The following ARAP2 variants were observed in gnomAD, a reference collection of about 807,000 sequenced individuals.
ARAP2 encodes the protein arf-GAP with Rho-GAP domain, ANK repeat and PH domain-containing protein 2.
ARAP2 carries 148 observed loss-of-function variants against 194.5 expected under a neutral mutation model. The ratio of observed to expected loss-of-function variants is 0.76; its 90% confidence interval spans 0.67 to 0.87. The LOEUF is 0.87. Among genes scored for constraint, ARAP2 ranks in the 40% least tolerant of loss-of-function variants. The pLI is 0.00. For missense variants in ARAP2, 2,128 were observed against 1,989.7 expected, an observed-to-expected ratio of 1.07 and a Z score of -1.32; for synonymous variants, 695 against 683.5, an observed-to-expected ratio of 1.02 and a Z score of -0.26.
Position 36,164,991 on chromosome 4 carries a change from C to A in ARAP2, c.2096G>T (p.Ser699Ile). The change falls in exon 11 of 33, where the codon AGC (serine) becomes ATC (isoleucine). Residue 699 changes from serine (S) to isoleucine (I), a missense_variant. Ser to Ile is a moderately radical substitution (Grantham distance 142, BLOSUM62 -2). Transcript: ENST00000303965. ...EKIWFNESNR[S>I]CADCKAPDPD... ...ATCTGGGGCTTTACAATCTGCACAG[C>A]TCCTGTTGGATTCATTGAACCAAAT... 6.2e-7 allele frequency: 1 copy of A among 1,614,126 alleles called. No individual in the cohort carries two copies. Among genetic ancestry groups the A allele is most frequent in the East Asian group, 2.2e-5 (1 of 44,872 alleles).
At chr4:36,011,745 C>A (rs1714607075) in intron 9 of ARAP2, among the ~76,000 whole-genome samples, 1 of 151,824 alleles carries the variant, frequency 6.6e-6, no homozygotes, top group African/African-American at 2.4e-5. Context: ...AATTACATGC[C>A]CCTTTTGAAT....
chr4:36,150,591 G>A (rs927243057), intron 16 of ARAP2, among the ~76,000 whole-genome samples: 27 of 151,746 alleles, frequency 1.8e-4, no homozygotes, highest in African/African-American at 5.8e-4. Flanking sequence ...GCAGTGAGCC[G>A]AGATCGCCTA....
chr4:36,064,528 C>T (rs1349641716), downstream of ARAP2, among the ~76,000 whole-genome samples: 2 of 152,244 alleles, frequency 1.3e-5, no homozygotes, highest in Non-Finnish European at 2.9e-5. Context: ...AGGGATACTA[C>T]TTGGTTAAAT....
rs1746535385 is a variant in ARAP2, at chr4:36,210,558, G to A, written c.1319C>T (p.Ala440Val). The change falls in exon 6 of 33, where the codon GCC (alanine) becomes GTC (valine). Residue 440 changes from alanine to valine, a missense_variant. Ala to Val is a moderately conservative substitution (Grantham distance 64). Coordinates refer to ENST00000303965, the MANE Select transcript of ARAP2 (RefSeq NM_015230.4). ...CCTATTAACGGAGTCCAAAATCAAGGCTTTTTGAGTCCTAGATTTAGATGC... is the reference window on the plus strand; with the variant it reads ...CCTATTAACGGAGTCCAAAATCAAGACTTTTTGAGTCCTAGATTTAGATGC... ...SKASKSRTQK[A>V]LILDSVNRHS... 6.2e-7 allele frequency: 1 copy of A among 1,613,704 alleles called. No individual in the cohort carries two copies. The highest frequency in any genetic ancestry group is 1.3e-5 in the African/African-American group (1 of 74,880).
chr4:36,199,678 A>AT (rs956478473), intron 6 of ARAP2, among the ~76,000 whole-genome samples: 2 of 151,968 alleles, frequency 1.3e-5, no homozygotes, highest in South Asian at 2.1e-4. Context: ...CTATGAGTGT[A>AT]TTTTTTTTAG....
chr4:36,140,139 T>TACACACACAC (rs66531233), intron 19 of ARAP2, among the ~76,000 whole-genome samples: 9,287 of 140,350 alleles, frequency 0.066, 441 homozygotes, highest in South Asian at 0.12. Flanking sequence ...ACAAAAACAA[T>TACACACACAC]ACACACACAC....
At position 36,150,961 on chromosome 4, in the gene ARAP2, T is replaced by C. The variant is rs1486801465; in HGVS notation, c.2836A>G (p.Ile946Val). Residue 946 changes from isoleucine (I) to valine (V), a missense_variant, in exon 16 of 33, where the codon ATT becomes GTT. Physicochemically the swap from Ile to Val is conservative, Grantham distance 29. Transcript: ENST00000303965. ...NDKSTTPNGTININEVICLAI... is the reference protein window; with the variant it reads ...NDKSTTPNGTVNINEVICLAI... Reference sequence around the variant, plus strand: ...AGGCAGATAACTTCATTGATATTAATGGTGCCATTAGGTGTGGTAGACTTA... The same window carrying C: ...AGGCAGATAACTTCATTGATATTAACGGTGCCATTAGGTGTGGTAGACTTA... The C allele has an allele frequency of 1.2e-6, 2 of 1,613,318 alleles. No homozygotes were observed. Among genetic ancestry groups the C allele is most frequent in the South Asian group, 1.1e-5 (1 of 90,944 alleles).
intron 5 of ARAP2, among the ~76,000 whole-genome samples, chr4:36,028,769 A>AT (rs370527315): frequency 2.7e-5 from 4 of 150,654 alleles, no homozygotes; most frequent in East Asian, 2.0e-4. Flanking sequence ...TTTGTGTTTT[A>AT]TTTTATCTCC....
intron 6 of ARAP2, among the ~76,000 whole-genome samples, chr4:36,196,969 T>C (rs564263354): frequency 1.3e-5 from 2 of 151,764 alleles, no homozygotes; most frequent in African/African-American, 4.8e-5. Flanking sequence ...TTCCTGACTA[T>C]GCATAGATCA....
chr4:36,061,617 A>G (rs564371878), downstream of ARAP2, among the ~76,000 whole-genome samples: 2 of 152,312 alleles, frequency 1.3e-5, no homozygotes, highest in African/African-American at 4.8e-5. Flanking sequence ...TACTGCTGCA[A>G]CAAACATGGG....
At chr4:36,141,065 T>C (rs180981692) in intron 19 of ARAP2, among the ~76,000 whole-genome samples, 2 of 151,728 alleles carry the variant, frequency 1.3e-5, no homozygotes, top group Admixed American at 6.6e-5. Flanking sequence ...TAGAAAAAGA[T>C]ATGCAGAAGA....
At chr4:36,228,071 C>T (rs1750709146) in intron 2 of ARAP2, among the ~76,000 whole-genome samples, 1 of 152,114 alleles carries the variant, frequency 6.6e-6, no homozygotes, top group South Asian at 2.1e-4. Context: ...TACGAGACTG[C>T]AAGTCACCGT....
intron 1 of ARAP2, among the ~76,000 whole-genome samples, chr4:36,243,435 AC>A (rs1753966358): frequency 6.6e-6 from 1 of 151,642 alleles, no homozygotes; most frequent in Non-Finnish European, 1.5e-5. Context: ...CCTACTTACA[AC>A]ACCCTAAGAT....
rs749118335 is a variant in ARAP2, at chr4:36,148,499, A to G, written c.2906T>C (p.Phe969Ser). 9.3e-6 allele frequency: 15 copies of G among 1,612,274 alleles called. No homozygotes were observed. In the East Asian group the frequency reaches 3.1e-4, roughly 34 times the overall value. The change falls in exon 17 of 33, where the codon TTT becomes TCT. Residue 969 changes from phenylalanine to serine, a missense_variant. By Grantham distance (155) the Phe-to-Ser change is radical. Transcript: ENST00000303965. ...EDFYLNTGPIFIFEIYLPSER... is the reference protein window; with the variant it reads ...EDFYLNTGPISIFEIYLPSER... ...GGAGGGTAAGTAGATCTCAAAGATAAAGATGGGCCTAAAACATGCACAAAT... is the reference window on the plus strand; with the variant it reads ...GGAGGGTAAGTAGATCTCAAAGATAGAGATGGGCCTAAAACATGCACAAAT...
chr4:36,043,414 A>G (rs1254414305), intron 5 of ARAP2, among the ~76,000 whole-genome samples: 1 of 152,160 alleles, frequency 6.6e-6, no homozygotes, highest in African/African-American at 2.4e-5. Flanking sequence ...ATGTCTCAAC[A>G]TTTAAACAGG....
At chr4:36,150,316 A>G (rs10020455) in intron 16 of ARAP2, among the ~76,000 whole-genome samples, 89,377 of 152,070 alleles carry the variant, frequency 0.59, 26,844 homozygotes, top group East Asian at 0.84. Flanking sequence ...ACAAAATTAA[A>G]TGACTATAAT....
chr4:36,113,159 A>G lies in ARAP2; in HGVS notation c.4156+1011T>C, dbSNP rs1424136620. ...AGAAGGTTAGGTAAAGTGAACCCAG[A>G]TGTGAATCTGGGAACTTGACAGTTG... On this transcript the variant is annotated intron_variant, in intron 26 of 32. Transcript: ENST00000303965. Among the ~76,000 whole-genome samples the G allele has an allele frequency of 2.0e-5, 3 of 151,972 alleles. No homozygotes were observed. The East Asian group carries it at 5.8e-4, about 30-fold the overall frequency.
chr4:36,105,516 A>C (rs920827462), intron 27 of ARAP2, among the ~76,000 whole-genome samples: 13 of 151,962 alleles, frequency 8.6e-5, no homozygotes, highest in African/African-American at 3.1e-4. Flanking sequence ...TCATAACTCC[A>C]TCTAGAAGAT....
intron 32 of ARAP2, among the ~76,000 whole-genome samples, chr4:36,070,781 T>C (rs1318601259): frequency 6.6e-6 from 1 of 152,228 alleles, no homozygotes; most frequent in East Asian, 1.9e-4. Context: ...GTAAAATACA[T>C]AATCATATCA....
Sources: allele counts gnomAD v4.1 joint callset (sites outside exome capture counted in the v4.1 genomes callset), GRCh38; gene constraint gnomAD v4.1.1; transcripts MANE v1.5; gene names NCBI Gene and HGNC (gene_info 2026-07-23, HGNC 2026-07-21).